The following NOL4L variants were observed in gnomAD, a reference collection of about 807,000 sequenced individuals.
The protein encoded by NOL4L is nucleolar protein 4 like.
In NOL4L, 7 loss-of-function variants were observed where a neutral mutation model predicts 64.5. The observed-to-expected ratio is 0.11, with a 90% CI of 0.06 to 0.20. NOL4L has a LOEUF of 0.20. NOL4L is among the 10% of genes least tolerant of loss of function. The pLI, the probability that NOL4L is intolerant of heterozygous loss-of-function variation, is 1.00. For synonymous variants in NOL4L, 413 were observed against 401.0 expected, an observed-to-expected ratio of 1.03 and a Z score of -0.36; for missense variants, 680 against 967.1, an observed-to-expected ratio of 0.70 and a Z score of 3.94.
At chr20:32,478,273 ACTCTCTCTCT>A (rs11469154) in intron 4 of NOL4L, among the ~76,000 whole-genome samples, 1 of 143,332 alleles carries the variant, frequency 7.0e-6, no homozygotes. Flanking sequence ...ACACACACAC[ACTCTCTCTCT>A]CTCTCTCTCA....
chr20:32,480,638 G>C (rs1268820951), intron 4 of NOL4L, among the ~76,000 whole-genome samples: 1 of 152,184 alleles, frequency 6.6e-6, no homozygotes, highest in African/African-American at 2.4e-5. Context: ...CATTACACAC[G>C]CAGCCTTCTG....
intron 1 of NOL4L, chr20:32,535,788 C>T (rs772469912): frequency 1.6e-5 from 16 of 985,302 alleles, no homozygotes; most frequent in Non-Finnish European, 1.8e-5. Flanking sequence ...GAAAGGGGCA[C>T]AGTGGGCCAC....
chr20:32,515,827 T>C (rs2145564679), intron 3 of NOL4L, among the ~76,000 whole-genome samples: 1 of 152,246 alleles, frequency 6.6e-6, no homozygotes, highest in Non-Finnish European at 1.5e-5. Flanking sequence ...GCCTAAATCA[T>C]CCAGCAGGTT....
At chr20:32,454,992 C>T (rs920258170) in intron 6 of NOL4L, among the ~76,000 whole-genome samples, 9 of 152,254 alleles carry the variant, frequency 5.9e-5, no homozygotes, top group Admixed American at 6.5e-5. Flanking sequence ...CCTGTCTCTT[C>T]GTCCACATAC....
intron 4 of NOL4L, chr20:32,510,182 G>C (rs1293402850): frequency 2.5e-5 from 9 of 362,594 alleles, no homozygotes; most frequent in Non-Finnish European, 4.4e-5. Flanking sequence ...TCCCAGAACA[G>C]GCACGCTCAG....
intron 1 of NOL4L, 78 bp downstream of exon 1, chr20:32,584,492 A>T: frequency 9.0e-7 from 1 of 1,115,982 alleles, no homozygotes; most frequent in Non-Finnish European, 1.2e-6. Flanking sequence ...ACACACATCC[A>T]CACCCCCACC....
intron 5 of NOL4L, among the ~76,000 whole-genome samples, chr20:32,457,172 C>CG (rs906601280): frequency 6.6e-6 from 1 of 152,224 alleles, no homozygotes; most frequent in African/African-American, 2.4e-5. Flanking sequence ...CCTGCGGGCG[C>CG]GGGGGAGGAA....
At position 32,500,129 on chromosome 20, in the gene NOL4L, T is replaced by C. The variant is rs569156969; in HGVS notation, c.699+11218A>G. ...TATAAAAAATGAAAATAAAAACATG[T>C]ATGCTTTTTGCTCTGTCAGCTGGAA... On this transcript the variant is annotated intron_variant, in intron 4 of 10. Transcript: ENST00000621426. 5.3e-5 allele frequency among the ~76,000 whole-genome samples: 8 copies of C among 152,316 alleles called. No homozygotes were observed. In the South Asian group the frequency reaches 1.4e-3, roughly 28 times the overall value.
intron 2 of NOL4L, among the ~76,000 whole-genome samples, chr20:32,523,222 T>C (rs1333511734): frequency 6.6e-6 from 1 of 152,012 alleles, no homozygotes; most frequent in Non-Finnish European, 1.5e-5. Flanking sequence ...AAGGGGAGGA[T>C]AGAAGGCTGA....
At chr20:32,569,441 T>C (rs1327627371) in intron 1 of NOL4L, among the ~76,000 whole-genome samples, 2 of 151,976 alleles carry the variant, frequency 1.3e-5, no homozygotes, top group Non-Finnish European at 2.9e-5. Flanking sequence ...GGGGCGGAAG[T>C]AACAGGGAGG....
At chr20:32,584,359 AG>A (rs1214227364) in intron 1 of NOL4L, among the ~76,000 whole-genome samples, 1 of 150,548 alleles carries the variant, frequency 6.6e-6, no homozygotes, top group Non-Finnish European at 1.5e-5. Context: ...AGCGGCGCGG[AG>A]GGGGGCAGGG....
Position 32,523,342 on chromosome 20 carries a change from G to A in NOL4L, c.478-2420C>T, listed in dbSNP as rs191567793. Among the ~76,000 whole-genome samples, 385 of 152,296 alleles carry A rather than the reference G, an allele frequency of 2.5e-3. 4 individuals are homozygous for A. The highest frequency in any genetic ancestry group is 8.8e-3 in the African/African-American group (364 of 41,552). ...GAGCTCCCTGGGGAGTCAATAAAGC[G>A]CAGAGTCCAGCCCAGCTCTGCACTG... On this transcript the variant is annotated intron_variant, in intron 2 of 10. Coordinates refer to ENST00000621426, the MANE Select transcript of NOL4L (RefSeq NM_001256798.2).
chr20:32,512,252 AAT>A (rs1408372364), intron 3 of NOL4L, among the ~76,000 whole-genome samples: 3 of 152,144 alleles, frequency 2.0e-5, no homozygotes, highest in African/African-American at 7.2e-5. Flanking sequence ...TGCAAGTATC[AAT>A]TATGATACTT....
At chr20:32,548,997 C>A in intron 1 of NOL4L, 1 of 202,810 alleles carries the variant, frequency 4.9e-6, no homozygotes, top group Non-Finnish European at 1.0e-5. Flanking sequence ...AGAGCTAAAA[C>A]TATAAAACTC....
At chr20:32,455,134 G>GA (rs1044950058) in intron 6 of NOL4L, among the ~76,000 whole-genome samples, 2 of 152,256 alleles carry the variant, frequency 1.3e-5, no homozygotes, top group African/African-American at 4.8e-5. Flanking sequence ...GACAGATGGA[G>GA]AAAAAACTAA....
At chr20:32,521,976 C>T (rs1334183826) in intron 2 of NOL4L, among the ~76,000 whole-genome samples, 4 of 152,256 alleles carry the variant, frequency 2.6e-5, no homozygotes, top group South Asian at 2.1e-4. Context: ...GGCTGCTCTG[C>T]GCTGCGCTTG....
intron 1 of NOL4L, among the ~76,000 whole-genome samples, chr20:32,554,824 G>A (rs1252489786): frequency 6.6e-6 from 1 of 152,194 alleles, no homozygotes; most frequent in East Asian, 1.9e-4. Flanking sequence ...GGAGGAGAAA[G>A]GGACAACTAA....
chr20:32,555,591 C>A (rs565363625), intron 1 of NOL4L, among the ~76,000 whole-genome samples: 6 of 152,016 alleles, frequency 3.9e-5, no homozygotes, highest in Non-Finnish European at 8.8e-5. Flanking sequence ...TGATAATGCA[C>A]CTGGCCAAGA....
intron 1 of NOL4L, among the ~76,000 whole-genome samples, chr20:32,539,029 G>C (rs570852674): frequency 6.6e-6 from 1 of 152,160 alleles, no homozygotes; most frequent in East Asian, 1.9e-4. Flanking sequence ...CAGTGGGGGT[G>C]GGGTGGGGTG....
Sources: allele counts gnomAD v4.1 joint callset (sites outside exome capture counted in the v4.1 genomes callset), GRCh38; gene constraint gnomAD v4.1.1; transcripts MANE v1.5; gene names NCBI Gene and HGNC (gene_info 2026-07-23, HGNC 2026-07-21).